Variants in ZNF705B observed in about 807,000 individuals in gnomAD.
ZNF705B encodes the protein Putative zinc finger protein 705D-like protein LOC100132396.
ZNF705B carries 1 observed loss-of-function variant against 10.5 expected under a neutral mutation model. The observed-to-expected ratio is 0.10, with a 90% CI of 0.03 to 0.45. The LOEUF is 0.45. Ranked by LOEUF, ZNF705B falls within the 20% of genes least tolerant of loss-of-function variation. ZNF705B has a pLI of 0.97. For missense variants in ZNF705B, 14 were observed against 84.0 expected, an observed-to-expected ratio of 0.17 and a Z score of 3.26; for synonymous variants, 4 against 25.4, an observed-to-expected ratio of 0.16 and a Z score of 2.53.
intron 2 of ZNF705B, among the ~76,000 whole-genome samples, chr8:7,936,195 G>A (rs1178880452): frequency 8.5e-6 from 1 of 117,872 alleles, no homozygotes; most frequent in African/African-American, 2.6e-5. Flanking sequence ...TTAAAATACA[G>A]CTATTTTCTA....
In ZNF705B at chr8:7,948,783, CT is replaced by C. The variant is rs1267556850; in HGVS notation, c.13-344del. Reference sequence around the variant, plus strand: ...TGCCTTGTGACAAATCTGTAATTTACTTGAAATTCATGGTAAATTTCATTTT... The same window carrying C: ...TGCCTTGTGACAAATCTGTAATTTACTGAAATTCATGGTAAATTTCATTTT... On this transcript the variant is annotated intron_variant, in intron 3 of 6. Coordinates refer to ENST00000400120, the MANE Select transcript of ZNF705B (RefSeq NM_001193630.1). Among the ~76,000 whole-genome samples the C allele has an allele frequency of 3.9e-5, 2 of 51,804 alleles. 1 individual carries two copies. Among genetic ancestry groups the C allele is most frequent in the Admixed American group, 7.5e-4 (2 of 2,676 alleles). The allele number at this position is 51,804 out of a possible 152,430, so 34.0% of individuals were successfully genotyped here.
rs1435759868 is a variant in ZNF705B, at chr8:7,932,347, C to T, written c.-72+1911C>T. Among the ~76,000 whole-genome samples, 2 of 121,160 alleles carry T rather than the reference C, an allele frequency of 1.7e-5. 1 individual carries two copies. Among genetic ancestry groups the T allele is most frequent in the Non-Finnish European group, 4.0e-5 (2 of 50,520 alleles). The allele number at this position is 121,160 out of a possible 152,430, so 79.5% of individuals were successfully genotyped here. On this transcript the variant is annotated intron_variant, in intron 2 of 6. Coordinates refer to ENST00000400120, the MANE Select transcript of ZNF705B (RefSeq NM_001193630.1). ...TCAATTTGCTGCTGAATTCTAGTGCCCTCTTTCGTGCCCTCTTCAAGGTAT... is the reference window on the plus strand; with the variant it reads ...TCAATTTGCTGCTGAATTCTAGTGCTCTCTTTCGTGCCCTCTTCAAGGTAT...
intron 2 of ZNF705B, among the ~76,000 whole-genome samples, chr8:7,940,872 T>C (rs1180279380): frequency 2.1e-4 from 30 of 145,722 alleles, no homozygotes; most frequent in Admixed American, 4.2e-4. Context: ...CCAGTGTGTG[T>C]TGTTCCCCTC....
chr8:7,931,573 C>T (rs1320595124), intron 2 of ZNF705B, among the ~76,000 whole-genome samples: 1 of 122,108 alleles, frequency 8.2e-6, no homozygotes, highest in South Asian at 2.7e-4. Context: ...GCGTCCTGGA[C>T]AACGACCTTG....
At chr8:7,931,498 A>G (rs1474941320) in intron 2 of ZNF705B, among the ~76,000 whole-genome samples, 2 of 122,198 alleles carry the variant, frequency 1.6e-5, no homozygotes, top group Non-Finnish European at 3.9e-5. Context: ...GGGTGGGCTC[A>G]TACTCAGGTC....
At chr8:7,935,742 C>T (rs1359053573) in intron 2 of ZNF705B, among the ~76,000 whole-genome samples, 1 of 88,090 alleles carries the variant, frequency 1.1e-5, no homozygotes, top group African/African-American at 2.8e-5. Context: ...AAAGGTCATG[C>T]TTTTCTGAAG....
At chr8:7,929,104 G>A (rs534793158) in intron 1 of ZNF705B, among the ~76,000 whole-genome samples, 80 of 121,570 alleles carry the variant, frequency 6.6e-4, no homozygotes, top group African/African-American at 1.9e-3. Context: ...GAAAAGAAGA[G>A]AGAGAATTTA....
At chr8:7,932,305 G>A (rs59214419) in intron 2 of ZNF705B, among the ~76,000 whole-genome samples, 3,341 of 119,074 alleles carry the variant, frequency 0.028, 125 homozygotes, top group African/African-American at 0.083. Flanking sequence ...TTCCTTCCAT[G>A]CCTCAGAGAT....
At chr8:7,932,659 G>A (rs2739897) in intron 2 of ZNF705B, among the ~76,000 whole-genome samples, 7 of 121,598 alleles carry the variant, frequency 5.8e-5, no homozygotes, top group South Asian at 2.7e-4. Context: ...ATATATCTCA[G>A]TCTCTGAGAT....
chr8:7,929,620 A>G (rs1819786290), intron 1 of ZNF705B, among the ~76,000 whole-genome samples: 1 of 123,570 alleles, frequency 8.1e-6, no homozygotes, highest in Non-Finnish European at 1.9e-5. Context: ...TTCTCAGGTT[A>G]CACCCATGCC....
intron 2 of ZNF705B, among the ~76,000 whole-genome samples, chr8:7,937,093 C>G (rs1820036077): frequency 8.7e-6 from 1 of 114,716 alleles, no homozygotes; most frequent in Non-Finnish European, 2.1e-5. Flanking sequence ...CATAGGCTGT[C>G]TTGTCTAGTC....
rs1462301221 is a variant in ZNF705B at position 7,928,322 on chromosome 8, C to T, written c.-222+1925C>T. On this transcript the variant is annotated intron_variant, in intron 1 of 6. Transcript: ENST00000400120. ...GGGGAGACAGAAATATTCAAACATT[C>T]GGGCCACAGCACTTCCTTACCTCCT... Among the ~76,000 whole-genome samples, 6 of 120,960 alleles carry T rather than the reference C, an allele frequency of 5.0e-5. 2 individuals carry two copies. The East Asian group carries it at 7.1e-4, about 14-fold the overall frequency. 79.4% of individuals were successfully genotyped at this position (120,960 alleles called of 152,430 possible). A position where few individuals can be genotyped will look rare whatever the true frequency, so the allele number is the denominator to read the frequency against.
Position 7,929,755 on chromosome 8 carries a change from G to T in ZNF705B, c.-221-532G>T, listed in dbSNP as rs1340766741. On this transcript the variant is annotated intron_variant, in intron 1 of 6. Transcript: ENST00000400120. ...ACTTTGAGTGGAGTCATTTGCTCTT[G>T]AGAAGAAGCATCACCACTAAAGGAT... is the stretch of plus-strand genomic sequence containing the variant. Among the ~76,000 whole-genome samples the T allele has an allele frequency of 6.2e-5, 7 of 113,338 alleles. No individual in the cohort carries two copies. The East Asian group carries it at 1.8e-3, about 29-fold the overall frequency. 74.4% of individuals were successfully genotyped at this position (113,338 alleles called of 152,430 possible).
In ZNF705B at chr8:7,937,193, C is replaced by G. The variant is rs550314370; in HGVS notation, c.-72+6757C>G. Among the ~76,000 whole-genome samples the G allele has an allele frequency of 1.0e-4, 12 of 118,210 alleles. 2 individuals carry two copies. Among genetic ancestry groups the G allele is most frequent in the East Asian group, 9.7e-4 (4 of 4,138 alleles). 77.6% of individuals were successfully genotyped at this position (118,210 alleles called of 152,430 possible). ...GATCGAGTGAAGCAGATGATAGGGA[C>G]AGCACTAAGGCTTGGTATTCTGAGC... On this transcript the variant is annotated intron_variant, in intron 2 of 6. Coordinates refer to ENST00000400120, the MANE Select transcript of ZNF705B (RefSeq NM_001193630.1).
chr8:7,934,387 TA>T, intron 2 of ZNF705B: 1 of 1,298,922 alleles, frequency 7.7e-7, no homozygotes, highest in Non-Finnish European at 1.1e-6. Context: ...AAAGAGAACC[TA>T]AAACCTCCAG....
At chr8:7,935,403 G>T (rs543100652) in intron 2 of ZNF705B, among the ~76,000 whole-genome samples, 12 of 147,056 alleles carry the variant, frequency 8.2e-5, no homozygotes, top group South Asian at 2.3e-4. Flanking sequence ...ACACTCTGAG[G>T]TACTGAGTTT....
At chr8:7,941,095 G>A in intron 2 of ZNF705B, among the ~76,000 whole-genome samples, 1 of 149,036 alleles carries the variant, frequency 6.7e-6, no homozygotes. Context: ...GTCACTGATG[G>A]ACATTTGGGT....
chr8:7,936,783 CAG>C (rs1473959326), intron 2 of ZNF705B, among the ~76,000 whole-genome samples: 1 of 120,262 alleles, frequency 8.3e-6, no homozygotes, highest in African/African-American at 2.5e-5. Context: ...ACCTGTGTGA[CAG>C]AGTTATTCAT....
Position 7,929,355 on chromosome 8 carries a change from G to C in ZNF705B, c.-221-932G>C, listed in dbSNP as rs867838689. Among the ~76,000 whole-genome samples, 85 of 121,314 alleles carry C rather than the reference G, an allele frequency of 7.0e-4. 1 individual carries two copies. Among genetic ancestry groups the C allele is most frequent in the African/African-American group, 1.8e-3 (73 of 39,910 alleles). The allele number at this position is 121,314 out of a possible 152,430, so 79.6% of individuals were successfully genotyped here. A position where few individuals can be genotyped will look rare whatever the true frequency, so the allele number is the denominator to read the frequency against. On this transcript the variant is annotated intron_variant, in intron 1 of 6. Transcript: ENST00000400120. ...ATGGAAGAAATAAAAAATGTTTAAA[G>C]GGTGGTTTTCTTTATATTTCCAAAA...
Sources: allele counts gnomAD v4.1 joint callset (sites outside exome capture counted in the v4.1 genomes callset), GRCh38; gene constraint gnomAD v4.1.1; transcripts MANE v1.5; gene names NCBI Gene and HGNC (gene_info 2026-07-23, HGNC 2026-07-21).